Variants in ICE2 observed in about 807,000 individuals in gnomAD.
ICE2 encodes little elongation complex subunit 2.
In ICE2, 87 loss-of-function variants were observed where a neutral mutation model predicts 105.4. That is an observed-to-expected ratio of 0.83 (90% CI 0.69 to 0.99). ICE2 has a LOEUF of 0.99. Ranked by LOEUF, ICE2 falls within the 50% of genes least tolerant of loss-of-function variation. The probability of loss-of-function intolerance (pLI) is 0.00; values close to 1 mark genes in which losing one functional copy is unlikely to be tolerated. For synonymous variants in ICE2, 399 were observed against 392.0 expected, an observed-to-expected ratio of 1.02 and a Z score of -0.21; for missense variants, 1,323 against 1,146.7, an observed-to-expected ratio of 1.15 and a Z score of -2.22.
At chr15:60,453,355 T>C in intron 9 of ICE2, 1 of 1,252,678 alleles carries the variant, frequency 8.0e-7, no homozygotes, top group South Asian at 2.6e-5. Context: ...ACATAAAATA[T>C]CAAACTTAAC....
At position 60,455,428 on chromosome 15, in the gene ICE2, A is replaced by G. The variant is rs2064079785; in HGVS notation, c.681T>C (p.Tyr227=). 3.7e-6 allele frequency: 6 copies of G among 1,610,958 alleles called. No individual in the cohort carries two copies. The East Asian group carries it at 1.3e-4, about 36-fold the overall frequency. Residue 227 remains tyrosine, a synonymous_variant, in exon 7 of 16, where the codon TAT becomes TAC. Transcript: ENST00000261520. ...GCATTGAGGGAAATACTGTTTTCACATATTTTACACTGCCCTAAATATGAA... is the reference window on the plus strand; with the variant it reads ...GCATTGAGGGAAATACTGTTTTCACGTATTTTACACTGCCCTAAATATGAA... ...KTLLALGSVK[Y]VKTVFPSMPI...
intron 13 of ICE2, among the ~76,000 whole-genome samples, chr15:60,435,101 G>T (rs1461078336): frequency 1.3e-5 from 2 of 151,864 alleles, no homozygotes; most frequent in African/African-American, 4.8e-5. Flanking sequence ...CTAACACGGT[G>T]AAACCCCATC....
intron 5 of ICE2, among the ~76,000 whole-genome samples, chr15:60,465,246 TAGC>T (rs1356489466): frequency 3.9e-5 from 6 of 152,038 alleles, no homozygotes; most frequent in Non-Finnish European, 7.4e-5. Flanking sequence ...AGCTGGAGTG[TAGC>T]AGCACAATCA....
rs1216947764 is a variant in ICE2, at chr15:60,455,012, G to A, written c.934C>T (p.Pro312Ser). ...WEIPVCIQVI[P>S]VAGSKPVKVI... ...ATAGCAAATTACAAACCTGCAACAG[G>A]TATTACTTGAATACACACTGGAATT... The change falls in exon 8 of 16, where the codon CCT becomes TCT. Residue 312 changes from proline (P) to serine (S), a missense_variant. Physicochemically the swap from Pro to Ser is moderately conservative, Grantham distance 74 (BLOSUM62 -1). Transcript: ENST00000261520. The A allele has an allele frequency of 1.3e-5, 20 of 1,554,004 alleles. No individual in the cohort carries two copies. Among genetic ancestry groups the A allele is most frequent in the Non-Finnish European group, 1.6e-5 (19 of 1,159,904 alleles).
At chr15:60,467,161 C>G (rs1259985511) in intron 4 of ICE2, among the ~76,000 whole-genome samples, 2 of 152,082 alleles carry the variant, frequency 1.3e-5, no homozygotes, top group African/African-American at 4.8e-5. Flanking sequence ...TGGGGTTTCG[C>G]CATGTTGGCC....
In ICE2 at chr15:60,448,911, G is replaced by C; in HGVS notation, c.2056C>G (p.Pro686Ala). ...QPSVSEQLSG[P>A]SDSSSWPKSG... ...TTCGGCCAACTAGAGGAGTCTGAAG[G>C]ACCAGACAATTGCTCAGAAACAGAA... The change falls in exon 10 of 16, where the codon CCT becomes GCT. Residue 686 changes from proline to alanine, a missense_variant. Transcript: ENST00000261520. 1 of 1,613,456 alleles carries C rather than the reference G, an allele frequency of 6.2e-7. No homozygotes were observed. Among genetic ancestry groups the C allele is most frequent in the Non-Finnish European group, 8.5e-7 (1 of 1,179,696 alleles).
intron 14 of ICE2, among the ~76,000 whole-genome samples, chr15:60,431,558 G>A (rs1044872914): frequency 6.6e-6 from 1 of 152,160 alleles, no homozygotes; most frequent in Non-Finnish European, 1.5e-5. Context: ...TCTTTCCTTA[G>A]TCTCCAGAAA....
intron 15 of ICE2, among the ~76,000 whole-genome samples, chr15:60,427,646 A>G (rs2140989706): frequency 6.6e-6 from 1 of 152,218 alleles, no homozygotes; most frequent in Non-Finnish European, 1.5e-5. Flanking sequence ...CAAACTGCTG[A>G]CCTCAAATGA....
chr15:60,475,094 CT>C (rs1349932533), intron 3 of ICE2, among the ~76,000 whole-genome samples: 1 of 152,210 alleles, frequency 6.6e-6, no homozygotes, highest in Non-Finnish European at 1.5e-5. Context: ...GTTTCCTCCA[CT>C]GTAAAAGGAG....
At chr15:60,424,420 A>ATGGGCAAAGCGGAAGAGGGGGATTAGAG (rs56371232) in intron 15 of ICE2, among the ~76,000 whole-genome samples, 1 of 149,448 alleles carries the variant, frequency 6.7e-6, no homozygotes, top group East Asian at 2.0e-4. Flanking sequence ...AATACAGAGG[A>ATGGGCAAAGCGGAAGAGGGGGATTAGAG]TGGGGGAAGG....
At position 60,479,101 on chromosome 15, in the gene ICE2, T is replaced by G. The variant is rs989187698; in HGVS notation, c.-191A>C. On this transcript the variant is annotated 5_prime_UTR_variant, in exon 1 of 16. Coordinates refer to ENST00000261520, the MANE Select transcript of ICE2 (RefSeq NM_024611.6). ...TCGCGCGCGCCCAAAAAAGACCATA[T>G]TTAAAGGATGTGGCCGCGCCGACTC... The G allele has an allele frequency of 4.6e-6, 2 of 438,900 alleles. No homozygotes were observed. Among genetic ancestry groups the G allele is most frequent in the East Asian group, 7.3e-5 (1 of 13,646 alleles). The allele number at this position is 438,900 out of a possible 1,614,324, so 27.2% of individuals were successfully genotyped here.
chr15:60,425,022 C>G (rs1382397727), intron 15 of ICE2, among the ~76,000 whole-genome samples: 1 of 152,158 alleles, frequency 6.6e-6, no homozygotes, highest in Non-Finnish European at 1.5e-5. Context: ...AATTTCAGGC[C>G]TGGGACTGAA....
At chr15:60,446,732 C>T (rs2063830845) in intron 11 of ICE2, among the ~76,000 whole-genome samples, 1 of 152,092 alleles carries the variant, frequency 6.6e-6, no homozygotes, top group Admixed American at 6.5e-5. Context: ...TCAGGAAGTC[C>T]TCCACAATGA....
chr15:60,446,163 T>C (rs568132077), intron 11 of ICE2, among the ~76,000 whole-genome samples: 1 of 152,328 alleles, frequency 6.6e-6, no homozygotes, highest in African/African-American at 2.4e-5. Context: ...AATTTCAAGT[T>C]TGAATCAATG....
At chr15:60,434,381 C>T (rs4774360) in intron 13 of ICE2, among the ~76,000 whole-genome samples, 95,863 of 151,996 alleles carry the variant, frequency 0.63, 32,546 homozygotes, top group East Asian at 0.93. Context: ...CCATGCACGG[C>T]GGCTACTTTG....
chr15:60,444,818 A>G (rs958689320), intron 11 of ICE2, among the ~76,000 whole-genome samples: 1 of 151,968 alleles, frequency 6.6e-6, no homozygotes, highest in Non-Finnish European at 1.5e-5. Flanking sequence ...CCGAGCAGCC[A>G]GGTTTATATG....
intron 3 of ICE2, among the ~76,000 whole-genome samples, chr15:60,468,809 T>A (rs1180284634): frequency 2.0e-5 from 3 of 152,342 alleles, no homozygotes; most frequent in Admixed American, 6.5e-5. Flanking sequence ...CCTCTGCTTA[T>A]CTCAAAAATT....
intron 4 of ICE2, among the ~76,000 whole-genome samples, chr15:60,467,256 C>A (rs1240067893): frequency 6.6e-6 from 1 of 152,090 alleles, no homozygotes; most frequent in Non-Finnish European, 1.5e-5. Flanking sequence ...AGCCACTGGG[C>A]CTGGCCTCAA....
chr15:60,460,390 C>G (rs536710285), intron 5 of ICE2, among the ~76,000 whole-genome samples: 1 of 152,108 alleles, frequency 6.6e-6, no homozygotes, highest in Non-Finnish European at 1.5e-5. Context: ...CTCAGCTACT[C>G]GGTAGGCCGA....
Sources: gnomAD v4.1 joint callset for allele counts (sites outside exome capture counted in the v4.1 genomes callset) on GRCh38, gnomAD v4.1.1 for gene constraint, MANE v1.5 for transcripts, NCBI Gene and HGNC (gene_info 2026-07-23, HGNC 2026-07-21) for gene names.